Variants in GABRB2 observed in about 807,000 individuals in gnomAD.
GABRB2 encodes gamma-aminobutyric acid receptor subunit beta-2.
A neutral mutation model predicts 54.7 loss-of-function variants in GABRB2; 16 were observed. That is an observed-to-expected ratio of 0.29 (90% CI 0.20 to 0.44). The LOEUF (loss-of-function observed/expected upper bound fraction) is 0.44. Ranked by LOEUF, GABRB2 falls within the 20% of genes least tolerant of loss-of-function variation. The pLI is 1.00. For missense variants in GABRB2, 355 were observed against 644.0 expected, an observed-to-expected ratio of 0.55 and a Z score of 4.86; for synonymous variants, 244 against 233.8, an observed-to-expected ratio of 1.04 and a Z score of -0.40.
At chr5:161,426,106 A>G (rs932568159) in intron 4 of GABRB2, among the ~76,000 whole-genome samples, 8 of 152,126 alleles carry the variant, frequency 5.3e-5, no homozygotes, top group Non-Finnish European at 1.0e-4. Context: ...AAAGGAACGT[A>G]AGTTTGTCAT....
chr5:161,536,220 G>T (rs1307590361), intron 3 of GABRB2, among the ~76,000 whole-genome samples: 2 of 152,148 alleles, frequency 1.3e-5, no homozygotes, highest in African/African-American at 4.8e-5. Context: ...TGATGATGGT[G>T]GAGAATGTTG....
chr5:161,371,259 AG>A (rs1373843214), intron 5 of GABRB2, among the ~76,000 whole-genome samples: 1 of 152,230 alleles, frequency 6.6e-6, no homozygotes, highest in African/African-American at 2.4e-5. Flanking sequence ...CAAAGTTAAA[AG>A]ACAGGAAAAA....
chr5:161,378,213 A>C (rs1156510321), intron 5 of GABRB2, among the ~76,000 whole-genome samples: 1 of 152,124 alleles, frequency 6.6e-6, no homozygotes, highest in East Asian at 1.9e-4. Context: ...TGTAAATTGG[A>C]AGGATAATCA....
intron 9 of GABRB2, among the ~76,000 whole-genome samples, chr5:161,297,319 CAT>C (rs750537367): frequency 5.3e-5 from 8 of 152,162 alleles, no homozygotes; most frequent in Non-Finnish European, 1.0e-4. Context: ...TTCTGGGACA[CAT>C]GTGCAGAACA....
intron 7 of GABRB2, among the ~76,000 whole-genome samples, chr5:161,332,095 G>T (rs971313340): frequency 6.7e-6 from 1 of 150,016 alleles, no homozygotes; most frequent in Admixed American, 6.7e-5. Flanking sequence ...GAACCCGGGA[G>T]GCGGAGCTTG....
intron 5 of GABRB2, among the ~76,000 whole-genome samples, chr5:161,341,613 G>A (rs1016766056): frequency 2.0e-5 from 3 of 151,460 alleles, no homozygotes; most frequent in Admixed American, 6.6e-5. Flanking sequence ...AGATACGAAT[G>A]GTAGATACGT....
chr5:161,471,806 G>A (rs754176625), intron 3 of GABRB2, among the ~76,000 whole-genome samples: 6 of 151,730 alleles, frequency 4.0e-5, no homozygotes, highest in South Asian at 4.2e-4. Flanking sequence ...TGATTTATTC[G>A]CTATCAATTT....
chr5:161,328,990 C>A (rs1753746932), intron 8 of GABRB2, among the ~76,000 whole-genome samples: 1 of 152,116 alleles, frequency 6.6e-6, no homozygotes, highest in Non-Finnish European at 1.5e-5. Flanking sequence ...AGAGGATAGG[C>A]TTTTCACCAC....
At chr5:161,379,335 C>A (rs1037884955) in intron 5 of GABRB2, among the ~76,000 whole-genome samples, 22 of 152,108 alleles carry the variant, frequency 1.4e-4, no homozygotes, top group African/African-American at 5.3e-4. Flanking sequence ...TGCAAACACA[C>A]CTCCTTAATA....
chr5:161,400,696 G>A lies in GABRB2; in HGVS notation c.541+10279C>T, dbSNP rs73797599. ...GAAAATGCTTCACTTTTGAGAACCCGTAATGGGAATCAGTATCCTTGTAAC... is the reference window on the plus strand; with the variant it reads ...GAAAATGCTTCACTTTTGAGAACCCATAATGGGAATCAGTATCCTTGTAAC... On this transcript the variant is annotated intron_variant, in intron 5 of 9. Coordinates refer to ENST00000393959, the MANE Select transcript of GABRB2 (RefSeq NM_001371727.1). Among the ~76,000 whole-genome samples, 665 of 152,214 alleles carry A rather than the reference G, an allele frequency of 4.4e-3. 8 individuals are homozygous for A. Among genetic ancestry groups the A allele is most frequent in the African/African-American group, 0.014 (590 of 41,536 alleles).
intron 9 of GABRB2, among the ~76,000 whole-genome samples, chr5:161,299,674 C>T (rs1481780805): frequency 1.3e-5 from 2 of 151,858 alleles, no homozygotes; most frequent in Non-Finnish European, 2.9e-5. Context: ...CTTCTTATTC[C>T]TCTTTCTCAC....
At chr5:161,316,693 C>T (rs1758039073) in intron 9 of GABRB2, among the ~76,000 whole-genome samples, 1 of 152,058 alleles carries the variant, frequency 6.6e-6, no homozygotes, top group African/African-American at 2.4e-5. Context: ...CAGAAAACCA[C>T]CTCCATCTCC....
Position 161,534,078 on chromosome 5 carries a change from T to C in GABRB2, c.237+11149A>G, listed in dbSNP as rs188571513. ...AAATGGTAATTAGGCACAAAAACCA[T>C]TACTCAAAAAGAAAATCTCTCCTCT... On this transcript the variant is annotated intron_variant, in intron 3 of 9. Coordinates refer to ENST00000393959, the MANE Select transcript of GABRB2 (RefSeq NM_001371727.1). 7.6e-4 allele frequency among the ~76,000 whole-genome samples: 115 copies of C among 152,262 alleles called. 1 individual carries two copies. Among genetic ancestry groups the C allele is most frequent in the African/African-American group, 2.6e-3 (107 of 41,570 alleles).
chr5:161,500,581 C>T (rs1044148923), intron 3 of GABRB2, among the ~76,000 whole-genome samples: 22 of 152,094 alleles, frequency 1.4e-4, no homozygotes, highest in African/African-American at 4.6e-4. Flanking sequence ...ACTTTATAAT[C>T]CCTTTTCAAG....
At chr5:161,468,593 T>G (rs1758345409) in intron 3 of GABRB2, among the ~76,000 whole-genome samples, 1 of 152,010 alleles carries the variant, frequency 6.6e-6, no homozygotes, top group Non-Finnish European at 1.5e-5. Context: ...TACTATATTT[T>G]TTCAGTTAAT....
intron 3 of GABRB2, among the ~76,000 whole-genome samples, chr5:161,463,053 G>A (rs555316699): frequency 5.9e-5 from 9 of 151,946 alleles, no homozygotes; most frequent in Admixed American, 1.3e-4. Flanking sequence ...ATCACCACCC[G>A]AGAAGGATTT....
chr5:161,435,092 A>AT lies in GABRB2; in HGVS notation c.459-24036dup, dbSNP rs558147776. On this transcript the variant is annotated intron_variant, in intron 4 of 9. Transcript: ENST00000393959. ...AATATGGGTCTAGTTATTATTATAGATTTTTTCTCTCTTCTTAAAAATAGC... is the reference window on the plus strand; with the variant it reads ...AATATGGGTCTAGTTATTATTATAGATTTTTTTCTCTCTTCTTAAAAATAGC... Among the ~76,000 whole-genome samples the AT allele has an allele frequency of 1.4e-3, 212 of 152,260 alleles. 1 individual carries two copies. The highest frequency in any genetic ancestry group is 4.7e-3 in the Admixed American group (72 of 15,280).
At chr5:161,475,158 T>C (rs1758557949) in intron 3 of GABRB2, among the ~76,000 whole-genome samples, 1 of 152,024 alleles carries the variant, frequency 6.6e-6, no homozygotes. Flanking sequence ...CTAAGTTTCA[T>C]GTTTTGCTTC....
intron 9 of GABRB2, among the ~76,000 whole-genome samples, chr5:161,306,144 A>G (rs968037310): frequency 6.6e-6 from 1 of 152,180 alleles, no homozygotes; most frequent in Non-Finnish European, 1.5e-5. Flanking sequence ...TTGTCTCAAA[A>G]AGTAATGAGG....
Sources: allele counts gnomAD v4.1 joint callset (sites outside exome capture counted in the v4.1 genomes callset), GRCh38; gene constraint gnomAD v4.1.1; transcripts MANE v1.5; gene names NCBI Gene and HGNC (gene_info 2026-07-23, HGNC 2026-07-21).